The following NLRC4 variants were observed in gnomAD, a reference collection of about 807,000 sequenced individuals.
NLRC4 encodes the protein NLR family CARD domain containing 4.
NLRC4 carries 63 observed loss-of-function variants against 79.9 expected under a neutral mutation model. The ratio of observed to expected loss-of-function variants is 0.79; its 90% CI spans 0.64 to 0.97. The LOEUF (loss-of-function observed/expected upper bound fraction) is 0.97, where lower values mean the gene tolerates loss of function less well. Among genes scored for constraint, NLRC4 ranks in the 50% least tolerant of loss-of-function variants. NLRC4 has a pLI of 0.00. For missense variants in NLRC4, 1,074 were observed against 1,215.2 expected (o/e 0.88, Z 1.73); for synonymous variants, 461 against 456.5 (o/e 1.01, Z -0.12).
At position 32,250,650 on chromosome 2, in the gene NLRC4, T is replaced by C. The variant is rs1687051722; in HGVS notation, c.1214A>G (p.Lys405Arg). 1 of 1,614,176 alleles carries C rather than the reference T, an allele frequency of 6.2e-7. No individual in the cohort carries two copies. The highest frequency in any genetic ancestry group is 1.1e-5 in the South Asian group (1 of 91,082). ...CACATCCTGCAGTTCGAAATCAAACTTGTGGGAGAACACACCCTCCAGAGC... is the reference window on the plus strand; with the variant it reads ...CACATCCTGCAGTTCGAAATCAAACCTGTGGGAGAACACACCCTCCAGAGC... ...DLALEGVFSH[K>R]FDFELQDVSS... Residue 405 changes from lysine (K) to arginine (R), a missense_variant, in exon 4 of 9, where the codon AAG becomes AGG. By Grantham distance (26) the Lys-to-Arg change is conservative. Coordinates refer to ENST00000402280, the MANE Select transcript of NLRC4 (RefSeq NM_001199138.2). This position sits in a 1 kb window ranked among gnomAD's most constrained non-coding sequence, Gnocchi z 4.9.
At chr2:32,225,493 A>T (rs1686365962) in intron 8 of NLRC4, among the ~76,000 whole-genome samples, 1 of 152,014 alleles carries the variant, frequency 6.6e-6, no homozygotes, top group Non-Finnish European at 1.5e-5. Context: ...CCATGTTACC[A>T]GTTTAGGTGG....
chr2:32,260,767 C>G (rs1687323769), intron 1 of NLRC4, among the ~76,000 whole-genome samples: 1 of 152,144 alleles, frequency 6.6e-6, no homozygotes, highest in Admixed American at 6.5e-5. Flanking sequence ...AGATAGAGAC[C>G]CCATCTGCAT....
At chr2:32,251,999 T>A (rs1687090056) in intron 3 of NLRC4, among the ~76,000 whole-genome samples, 3 of 152,218 alleles carry the variant, frequency 2.0e-5, no homozygotes, top group Admixed American at 2.0e-4. Context: ...CAATATTTTA[T>A]GAAACATAGA....
chr2:32,261,691 A>AC (rs1473367056), intron 1 of NLRC4, among the ~76,000 whole-genome samples: 1 of 151,844 alleles, frequency 6.6e-6, no homozygotes, highest in African/African-American at 2.4e-5. Context: ...TCAGGTATTT[A>AC]CCCCAATGAT....
At chr2:32,235,097 TG>T (rs1686641221) in intron 8 of NLRC4, among the ~76,000 whole-genome samples, 1 of 152,188 alleles carries the variant, frequency 6.6e-6, no homozygotes, top group African/African-American at 2.4e-5. Flanking sequence ...TTCCTGATAT[TG>T]GAGGGAGGGG....
Position 32,249,950 on chromosome 2 carries a change from C to A in NLRC4, c.1914G>T (p.Glu638Asp). Residue 638 changes from glutamate (E) to aspartate (D), a missense_variant, in exon 4 of 9, where the codon GAG becomes GAT. Physicochemically the swap from Glu to Asp is conservative, Grantham distance 45 (BLOSUM62 2). Coordinates refer to ENST00000402280, the MANE Select transcript of NLRC4 (RefSeq NM_001199138.2). ...AEDTGGIHME[E>D]APETYIPSRA... Reference sequence around the variant, plus strand: ...TGCTGGGAATGTAGGTTTCTGGGGCCTCTTCCATGTGGATTCCACCTGTGT... The same window carrying A: ...TGCTGGGAATGTAGGTTTCTGGGGCATCTTCCATGTGGATTCCACCTGTGT... The A allele has an allele frequency of 6.2e-7, 1 of 1,614,188 alleles. No homozygotes were observed. Among genetic ancestry groups the A allele is most frequent in the South Asian group, 1.1e-5 (1 of 91,078 alleles).
In NLRC4 at chr2:32,249,862, C is replaced by G. The variant is rs1345585209; in HGVS notation, c.2002G>C (p.Asp668His). Reference protein sequence around the residue: ...EFRTLEVTLRDFSKLNKQDIR... With the variant: ...EFRTLEVTLRHFSKLNKQDIR... ...TCTTGCTTATTCAACTTGCTGAAAT[C>G]CCGGAGTGTGACCTCCAGAGTCCTG... Residue 668 changes from aspartate to histidine, a missense_variant, in exon 4 of 9, where the codon GAT (aspartate) becomes CAT (histidine). Coordinates refer to ENST00000402280, the MANE Select transcript of NLRC4 (RefSeq NM_001199138.2). 2 of 1,614,194 alleles carry G rather than the reference C, an allele frequency of 1.2e-6. No individual in the cohort carries two copies. The highest frequency in any genetic ancestry group is 3.3e-5 in the Admixed American group (2 of 60,016).
chr2:32,233,123 G>A (rs2148932194), intron 8 of NLRC4, among the ~76,000 whole-genome samples: 1 of 120,026 alleles, frequency 8.3e-6, no homozygotes, highest in South Asian at 2.9e-4. Context: ...GAAAGAGAGG[G>A]GTGGGGGAGG....
chr2:32,235,608 C>G lies in NLRC4; in HGVS notation c.2615-40G>C, dbSNP rs1411036644. The stretch of plus-strand genomic sequence containing the variant: ...GAGCAGTTCAGGGACTGGATGGTCT[C>G]AAAACTGAGGAAGAACAAAGGGGTG... On this transcript the variant is annotated intron_variant, in intron 7 of 8. Coordinates refer to ENST00000402280, the MANE Select transcript of NLRC4 (RefSeq NM_001199138.2). 2.6e-6 allele frequency: 4 copies of G among 1,564,500 alleles called. No homozygotes were observed. The African/African-American group carries it at 4.1e-5, about 16-fold the overall frequency.
At chr2:32,247,208 G>T (rs1292042030) in intron 4 of NLRC4, among the ~76,000 whole-genome samples, 1 of 152,314 alleles carries the variant, frequency 6.6e-6, no homozygotes, top group Non-Finnish European at 1.5e-5. Flanking sequence ...GTAGGGCAGG[G>T]TGCCACTTGG....
At chr2:32,227,352 T>G (rs1686428387) in intron 8 of NLRC4, among the ~76,000 whole-genome samples, 1 of 152,176 alleles carries the variant, frequency 6.6e-6, no homozygotes, top group African/African-American at 2.4e-5. Flanking sequence ...AAATAGTACC[T>G]AGGTCCTTAC....
intron 4 of NLRC4, among the ~76,000 whole-genome samples, chr2:32,242,859 C>CA (rs1183825861): frequency 6.6e-6 from 1 of 152,034 alleles, no homozygotes; most frequent in Non-Finnish European, 1.5e-5. Context: ...CCAGCCTGGG[C>CA]AATATATCCA....
chr2:32,243,179 G>T (rs548556230), intron 4 of NLRC4, among the ~76,000 whole-genome samples: 40 of 152,128 alleles, frequency 2.6e-4, no homozygotes, highest in Admixed American at 2.6e-3. Flanking sequence ...GGGAGGGCGA[G>T]GCAGGCAAAT....
chr2:32,246,604 G>A (rs212730), intron 4 of NLRC4, among the ~76,000 whole-genome samples: 3 of 152,018 alleles, frequency 2.0e-5, no homozygotes, highest in South Asian at 2.1e-4. Context: ...GTTCCTGCTC[G>A]GGGCAACCAG....
chr2:32,262,661 AG>A (rs2148949779), intron 1 of NLRC4, among the ~76,000 whole-genome samples: 1 of 152,194 alleles, frequency 6.6e-6, no homozygotes, highest in Admixed American at 6.5e-5. Flanking sequence ...CTGTAATCCC[AG>A]CTACTTGGGA....
intron 8 of NLRC4, among the ~76,000 whole-genome samples, chr2:32,229,842 G>A (rs2148930539): frequency 6.6e-6 from 1 of 152,344 alleles, no homozygotes; most frequent in East Asian, 1.9e-4. Flanking sequence ...GCCACATGGA[G>A]GGGTGTGGAG....
intron 8 of NLRC4, among the ~76,000 whole-genome samples, chr2:32,233,597 C>T (rs923847130): frequency 7.2e-5 from 11 of 151,806 alleles, no homozygotes; most frequent in African/African-American, 2.4e-4. Flanking sequence ...TTCCAAAGTT[C>T]CTCTGGTTAT....
At chr2:32,242,987 GC>G (rs1686840498) in intron 4 of NLRC4, among the ~76,000 whole-genome samples, 1 of 152,076 alleles carries the variant, frequency 6.6e-6, no homozygotes. Flanking sequence ...GTTCAAGATT[GC>G]AATGAAGTGT....
intron 2 of NLRC4, among the ~76,000 whole-genome samples, chr2:32,254,649 A>G (rs1041936711): frequency 3.6e-5 from 4 of 112,520 alleles, no homozygotes; most frequent in Non-Finnish European, 5.1e-5. Context: ...ACGAAGTTTC[A>G]CTGTTGCTGC....
Sources: gnomAD v4.1 joint callset for allele counts (sites outside exome capture counted in the v4.1 genomes callset) on GRCh38, gnomAD v4.1.1 for gene constraint, Gnocchi (gnomAD v3.1) non-coding constraint, MANE v1.5 for transcripts, NCBI Gene and HGNC (gene_info 2026-07-23, HGNC 2026-07-21) for gene names.